Variants in MATN4 observed in about 807,000 individuals in gnomAD.
MATN4 encodes the protein matrilin 4, also known as matrilin-4.
In MATN4, 40 loss-of-function variants were observed where a neutral mutation model predicts 54.6. The observed-to-expected ratio is 0.73, with a 90% CI of 0.57 to 0.95. The LOEUF (loss-of-function observed/expected upper bound fraction) is 0.95. Ranked by LOEUF, MATN4 falls within the 40% of genes least tolerant of loss-of-function variation. The pLI, the probability that MATN4 is intolerant of heterozygous loss-of-function variation, is 0.00. For missense variants in MATN4, 810 were observed against 819.1 expected (o/e 0.99, Z 0.13); for synonymous variants, 351 against 345.3 (o/e 1.02, Z -0.18).
Position 45,293,902 on chromosome 20 carries a change from G to A in MATN4, c.1687+6C>T, listed in dbSNP as rs748295756. ...TCCAGCCCGCGCCACCAGCCCCAAA[G>A]GATATGGTTCAGCGTCAGGCTCTCG... On this transcript the variant is annotated splice_donor_region_variant and intron_variant, in intron 9 of 9. Transcript: ENST00000372756. The A allele has an allele frequency of 6.2e-6, 10 of 1,605,642 alleles. No homozygotes were observed. The African/African-American group carries it at 9.4e-5, about 15-fold the overall frequency.
chr20:45,305,714 T>G, intron 1 of MATN4, 98 bp from the exon 2 acceptor site: 1 of 549,380 alleles, frequency 1.8e-6, no homozygotes, highest in South Asian at 2.6e-5. Context: ...CAGGTTTATT[T>G]TACTAATCTC....
Position 45,308,295 on chromosome 20 carries a change from C to A in MATN4, c.-155G>T. 7.6e-7 allele frequency: 1 copy of A among 1,314,536 alleles called. No homozygotes were observed. Among genetic ancestry groups the A allele is most frequent in the Non-Finnish European group, 1.1e-6 (1 of 908,910 alleles). The allele number at this position is 1,314,536 out of a possible 1,614,324, so 81.4% of individuals were successfully genotyped here. A position where few individuals can be genotyped will look rare whatever the true frequency, so the allele number is the denominator to read the frequency against. ...CGTGCCCTAGGTGGGGACTGCCAGG[C>A]AGCTGGAGCACACAGAGGCAACGGC... On this transcript the variant is annotated 5_prime_UTR_variant, in exon 1 of 10. Coordinates refer to ENST00000372756, the MANE Select transcript of MATN4 (RefSeq NM_001393530.1).
At chr20:45,306,213 AC>A in intron 1 of MATN4, among the ~76,000 whole-genome samples, 1 of 152,320 alleles carries the variant, frequency 6.6e-6, no homozygotes, top group South Asian at 2.1e-4. Context: ...AATGCTCTTC[AC>A]GCATTGTGGC....
chr20:45,300,702 G>A (rs1052578792), intron 6 of MATN4, among the ~76,000 whole-genome samples, 185 bp downstream of exon 6: 1 of 152,162 alleles, frequency 6.6e-6, no homozygotes, highest in African/African-American at 2.4e-5. Flanking sequence ...AACATTGACA[G>A]CAGAGTAGAG....
intron 2 of MATN4, 96 bp from the exon 3 acceptor site, chr20:45,304,893 A>G (rs1986487713): frequency 1.4e-6 from 1 of 731,422 alleles, no homozygotes; most frequent in Non-Finnish European, 2.2e-6. Flanking sequence ...CTATGCCGAC[A>G]TAACAGCGCC....
Position 45,293,670 on chromosome 20 carries a change from G to A in MATN4, c.*97C>T, listed in dbSNP as rs751183660. On this transcript the variant is annotated 3_prime_UTR_variant, in exon 10 of 10. Coordinates refer to ENST00000372756, the MANE Select transcript of MATN4 (RefSeq NM_001393530.1). ...TCCGCCCCGACAGCCCAAGCCGGAC[G>A]GGCCCAGGTTCTGCCTGGCCCCGGC... The A allele has an allele frequency of 8.5e-7, 1 of 1,171,576 alleles. No individual in the cohort carries two copies. Among genetic ancestry groups the A allele is most frequent in the Non-Finnish European group, 1.2e-6 (1 of 866,704 alleles). The allele number at this position is 1,171,576 out of a possible 1,614,324, so 72.6% of individuals were successfully genotyped here. A position where few individuals can be genotyped will look rare whatever the true frequency, so the allele number is the denominator to read the frequency against.
intron 6 of MATN4, among the ~76,000 whole-genome samples, chr20:45,299,903 G>A (rs1358858963): frequency 2.3e-5 from 3 of 131,758 alleles, no homozygotes; most frequent in Non-Finnish European, 3.2e-5. Context: ...AAAAAAAGTC[G>A]AAGAGGGCTT....
At position 45,293,648 on chromosome 20, in the gene MATN4, G is replaced by T; in HGVS notation, c.*119C>A. The T allele has an allele frequency of 2.1e-6, 2 of 946,168 alleles. No individual in the cohort carries two copies. Among genetic ancestry groups the T allele is most frequent in the Non-Finnish European group, 3.0e-6 (2 of 668,522 alleles). 58.6% of individuals were successfully genotyped at this position (946,168 alleles called of 1,614,324 possible). ...ATGCCGGAAGCCCGCCAGCGCCTCC[G>T]CCCCGACAGCCCAAGCCGGACGGGC... On this transcript the variant is annotated 3_prime_UTR_variant, in exon 10 of 10. Transcript: ENST00000372756.
At position 45,297,965 on chromosome 20, in the gene MATN4, C is replaced by A; in HGVS notation, c.1532G>T (p.Gly511Val). ...ELHVSYAPDF[G>V]TMTHLLENLR... ...GTTCTCCAGCAGGTGCGTCATGGTG[C>A]CGAAGTCCGGGGCATAGGACACGTG... The change falls in exon 8 of 10, where the codon GGC becomes GTC. Residue 511 changes from glycine to valine, a missense_variant. Physicochemically the swap from Gly to Val is moderately radical, Grantham distance 109. Transcript: ENST00000372756. The A allele has an allele frequency of 1.2e-6, 2 of 1,614,174 alleles. No individual in the cohort carries two copies. The highest frequency in any genetic ancestry group is 8.5e-7 in the Non-Finnish European group (1 of 1,180,028).
At chr20:45,300,519 T>A (rs1211980947) in intron 6 of MATN4, among the ~76,000 whole-genome samples, 1 of 152,202 alleles carries the variant, frequency 6.6e-6, no homozygotes, top group East Asian at 1.9e-4. Flanking sequence ...ACTCTTTTTT[T>A]TTTAATGTTG....
intron 3 of MATN4, among the ~76,000 whole-genome samples, chr20:45,302,525 C>T (rs958514489): frequency 1.3e-5 from 2 of 152,162 alleles, no homozygotes; most frequent in African/African-American, 4.8e-5. Context: ...AATCCCAGCA[C>T]TTTGAGAGGC....
Position 45,298,646 on chromosome 20 carries a change from C to CATCT in MATN4, c.1013-67_1013-64dup. On this transcript the variant is annotated intron_variant, in intron 6 of 9. Transcript: ENST00000372756. This position sits in a 1 kb window ranked among gnomAD's most constrained non-coding sequence, Gnocchi z 4.6. ...TCTGGACTGGCAGCAGCTGTCTATCCATCTAGTCGTTCATTCGCAAACATT... is the reference window on the plus strand; with the variant it reads ...TCTGGACTGGCAGCAGCTGTCTATCCATCTATCTAGTCGTTCATTCGCAAACATT... 2 of 1,336,108 alleles carry CATCT rather than the reference C, an allele frequency of 1.5e-6. No homozygotes were observed. The highest frequency in any genetic ancestry group is 2.0e-6 in the Non-Finnish European group (2 of 976,892). 82.8% of individuals were successfully genotyped at this position (1,336,108 alleles called of 1,614,324 possible).
At chr20:45,297,884 G>A (rs1316029002) in intron 8 of MATN4, 34 bp downstream of exon 8, 1 of 1,612,036 alleles carries the variant, frequency 6.2e-7, no homozygotes, top group Non-Finnish European at 8.5e-7. Context: ...CGGGCAATGA[G>A]AGAGAGGAGG....
At chr20:45,306,699 G>T (rs1986712314) in intron 1 of MATN4, among the ~76,000 whole-genome samples, 1 of 152,268 alleles carries the variant, frequency 6.6e-6, no homozygotes, top group Non-Finnish European at 1.5e-5. Flanking sequence ...GACCGCCAGG[G>T]GGCGCCCGAG....
rs1265089540 is a variant in MATN4 at position 45,301,309 on chromosome 20, G to A, written c.766+12C>T. ...GTCCAGGGTGTGGTGGGAGGGTGGGGGTGTTGCTCACCCCTGCAGCTCCTC... is the reference window on the plus strand; with the variant it reads ...GTCCAGGGTGTGGTGGGAGGGTGGGAGTGTTGCTCACCCCTGCAGCTCCTC... On this transcript the variant is annotated intron_variant, in intron 4 of 9. Transcript: ENST00000372756. 6.2e-7 allele frequency: 1 copy of A among 1,614,090 alleles called. No individual in the cohort carries two copies. The highest frequency in any genetic ancestry group is 1.1e-5 in the South Asian group (1 of 91,084).
Position 45,298,783 on chromosome 20 carries a change from C to T in MATN4, c.1013-200G>A, listed in dbSNP as rs1337081747. ...TCACCATCATCATCACCCTCATCAT[C>T]GCCCTTGACATTTATTCAGTGCTTA... On this transcript the variant is annotated intron_variant, in intron 6 of 9. Coordinates refer to ENST00000372756, the MANE Select transcript of MATN4 (RefSeq NM_001393530.1). This position sits in a 1 kb window ranked among gnomAD's most constrained non-coding sequence, Gnocchi z 4.6. Among the ~76,000 whole-genome samples the T allele has an allele frequency of 6.6e-6, 1 of 152,182 alleles. No individual in the cohort carries two copies. The highest frequency in any genetic ancestry group is 6.5e-5 in the Admixed American group (1 of 15,274).
At chr20:45,305,706 G>C (rs1156688725) in intron 1 of MATN4, 90 bp from the exon 2 acceptor site, 4 of 551,810 alleles carry the variant, frequency 7.2e-6, no homozygotes, top group Non-Finnish European at 1.3e-5. Context: ...GACAGTTACA[G>C]GTTTATTTTA....
rs757175673 is a variant in MATN4 at position 45,304,285 on chromosome 20, C to T, written c.586G>A (p.Val196Ile). The T allele has an allele frequency of 2.6e-6, 4 of 1,553,766 alleles. No homozygotes were observed. The highest frequency in any genetic ancestry group is 4.0e-5 in the Admixed American group (2 of 49,496). The change falls in exon 3 of 10, where the codon GTA becomes ATA. Residue 196 changes from valine to isoleucine, a missense_variant. Transcript: ENST00000372756. Reference protein sequence around the residue: ...SPPLDEHVFLVESFDLIQEFG... With the variant: ...SPPLDEHVFLIESFDLIQEFG... The stretch of plus-strand genomic sequence containing the variant: ...TCCTGGATGAGGTCGAAGGACTCTA[C>T]GAGGAAGACGTGCTCGTCTAGCGGG...
rs1156688725 is a variant in MATN4 at position 45,305,706 on chromosome 20, G to A, written c.-34-90C>T. The A allele has an allele frequency of 5.4e-5, 30 of 551,810 alleles. No individual in the cohort carries two copies. The South Asian group carries it at 6.9e-4, about 13-fold the overall frequency. 34.2% of individuals were successfully genotyped at this position (551,810 alleles called of 1,614,324 possible). ...CACTTGGAGGGGGAAGACAGTTACAGGTTTATTTTACTAATCTCTCTATTT... is the reference window on the plus strand; with the variant it reads ...CACTTGGAGGGGGAAGACAGTTACAAGTTTATTTTACTAATCTCTCTATTT... On this transcript the variant is annotated intron_variant, in intron 1 of 9. Coordinates refer to ENST00000372756, the MANE Select transcript of MATN4 (RefSeq NM_001393530.1).
Sources: gnomAD v4.1 joint callset for allele counts (sites outside exome capture counted in the v4.1 genomes callset) on GRCh38, gnomAD v4.1.1 for gene constraint, Gnocchi (gnomAD v3.1) non-coding constraint, MANE v1.5 for transcripts, NCBI Gene and HGNC (gene_info 2026-07-23, HGNC 2026-07-21) for gene names.